EBF4: variants seen among roughly 807,000 people sequenced by gnomAD.
The protein encoded by EBF4 is transcription factor COE4.
A neutral mutation model predicts 67.1 loss-of-function variants in EBF4; 34 were observed. The ratio of observed to expected loss-of-function variants is 0.51; its 90% CI spans 0.39 to 0.67. EBF4 has a LOEUF of 0.67. EBF4 is among the 30% of genes least tolerant of loss of function. The pLI is 0.00. For synonymous variants in EBF4, 387 were observed against 377.7 expected (o/e 1.02, Z -0.29); for missense variants, 837 against 873.3 (o/e 0.96, Z 0.52).
chr20:2,733,820 A>G (rs1481558402), intron 6 of EBF4, among the ~76,000 whole-genome samples: 1 of 151,918 alleles, frequency 6.6e-6, no homozygotes, highest in Admixed American at 6.5e-5. Flanking sequence ...GATGAGAAAA[A>G]AAAAAAAAAA....
intron 6 of EBF4, among the ~76,000 whole-genome samples, chr20:2,712,632 G>C (rs1568571237): frequency 6.6e-6 from 1 of 152,152 alleles, no homozygotes; most frequent in Admixed American, 6.5e-5. Flanking sequence ...AAAGGTTCAG[G>C]CTGCAGATGT....
At chr20:2,749,798 C>T (rs2088112287) in intron 9 of EBF4, 45 bp downstream of exon 9, 1 of 1,540,570 alleles carries the variant, frequency 6.5e-7, no homozygotes, top group African/African-American at 1.4e-5. Context: ...GGGGCTGGGC[C>T]CTCCCCTCGC....
At chr20:2,708,137 G>A in intron 5 of EBF4, 117 bp downstream of exon 5, 1 of 1,060,954 alleles carries the variant, frequency 9.4e-7, no homozygotes, top group South Asian at 1.7e-5. Context: ...GCTGCTCCCT[G>A]GAGAAGCCTG....
At chr20:2,737,012 G>C (rs1009649001) in intron 6 of EBF4, among the ~76,000 whole-genome samples, 4 of 152,096 alleles carry the variant, frequency 2.6e-5, no homozygotes, top group Non-Finnish European at 2.9e-5. Context: ...CACTTTGGGA[G>C]GCCAAGGTGG....
At chr20:2,734,429 G>T (rs2087852528) in intron 6 of EBF4, among the ~76,000 whole-genome samples, 1 of 152,114 alleles carries the variant, frequency 6.6e-6, no homozygotes, top group African/African-American at 2.4e-5. Flanking sequence ...AATTAATAAA[G>T]TATTTGTCTA....
chr20:2,715,710 C>G (rs1337719177), intron 6 of EBF4, among the ~76,000 whole-genome samples: 1 of 152,146 alleles, frequency 6.6e-6, no homozygotes, highest in Non-Finnish European at 1.5e-5. Flanking sequence ...TTCCAGATTA[C>G]TATTGAAGTT....
At chr20:2,757,687 G>A (rs991413071) in intron 15 of EBF4, among the ~76,000 whole-genome samples, 2 of 152,290 alleles carry the variant, frequency 1.3e-5, no homozygotes, top group Admixed American at 6.5e-5. Flanking sequence ...TGGCTCACAC[G>A]TGTAATCCTA....
intron 2 of EBF4, 82 bp downstream of exon 2, chr20:2,705,815 AC>A: frequency 7.2e-7 from 1 of 1,395,304 alleles, no homozygotes; most frequent in East Asian, 2.5e-5. Flanking sequence ...ACACACACAC[AC>A]ACACACACAC....
rs1345480486 is a variant in EBF4, at chr20:2,693,710, C to T, written c.65C>T (p.Pro22Leu). 1.4e-6 allele frequency: 2 copies of T among 1,418,354 alleles called. No homozygotes were observed. The highest frequency in any genetic ancestry group is 2.9e-5 in the South Asian group (2 of 68,890). The allele number at this position is 1,418,354 out of a possible 1,614,324, so 87.9% of individuals were successfully genotyped here. ...AACCTGAAGGAGGAGCCGCTGCTGCCCGCCGGCCTGGGCTCAGTGCGCTCC... is the reference window on the plus strand; with the variant it reads ...AACCTGAAGGAGGAGCCGCTGCTGCTCGCCGGCCTGGGCTCAGTGCGCTCC... The change falls in exon 1 of 17, where the codon CCC becomes CTC. Residue 22 changes from proline (P) to leucine (L), a missense_variant. Transcript: ENST00000609451. This position sits in a 1 kb window ranked among gnomAD's most constrained non-coding sequence, Gnocchi z 4.6.
intron 6 of EBF4, among the ~76,000 whole-genome samples, chr20:2,727,867 G>T (rs1478915557): frequency 6.6e-6 from 1 of 152,150 alleles, no homozygotes; most frequent in Non-Finnish European, 1.5e-5. Flanking sequence ...TTGGAGAAAT[G>T]TTCATTGAGA....
rs2088053764 is a variant in EBF4 at position 2,746,558 on chromosome 20, T to C, written c.558-1991T>C. Among the ~76,000 whole-genome samples, 7 of 152,138 alleles carry C rather than the reference T, an allele frequency of 4.6e-5. No individual in the cohort carries two copies. The South Asian group carries it at 1.2e-3, about 27-fold the overall frequency. ...GGGGACACCTCAGTTCCAGGGCTGG[T>C]GCTTACTCCTCCCAGCACTTGGTGA... On this transcript the variant is annotated intron_variant, in intron 6 of 16. Coordinates refer to ENST00000609451, the Ensembl canonical transcript of EBF4.
chr20:2,732,598 C>T (rs951729468), intron 6 of EBF4, among the ~76,000 whole-genome samples: 1 of 152,086 alleles, frequency 6.6e-6, no homozygotes, highest in Admixed American at 6.6e-5. Context: ...TTTTTCCATC[C>T]CTTTATTTTC....
intron 6 of EBF4, among the ~76,000 whole-genome samples, chr20:2,734,497 T>C (rs915871437): frequency 2.0e-5 from 3 of 152,232 alleles, no homozygotes; most frequent in African/African-American, 7.2e-5. Context: ...TTTATTACAA[T>C]GTATGGGTCT....
At chr20:2,754,219 G>A (rs77058458) in intron 14 of EBF4, among the ~76,000 whole-genome samples, 118 of 152,312 alleles carry the variant, frequency 7.7e-4, no homozygotes, top group African/African-American at 2.8e-3. Context: ...CGTTCAGGGT[G>A]CTTTGTGGCC....
intron 6 of EBF4, among the ~76,000 whole-genome samples, chr20:2,737,045 G>C (rs11697264): frequency 0.15 from 22,598 of 151,772 alleles, 1,855 homozygotes; most frequent in Middle Eastern, 0.27. Flanking sequence ...GTCAGGAGAT[G>C]GAGACCATCC....
chr20:2,720,853 T>C (rs1003753937), intron 6 of EBF4, among the ~76,000 whole-genome samples: 2 of 152,200 alleles, frequency 1.3e-5, no homozygotes, highest in African/African-American at 4.8e-5. Flanking sequence ...GGGTATAGAA[T>C]TATAGGTGAT....
intron 15 of EBF4, among the ~76,000 whole-genome samples, chr20:2,757,755 T>G (rs2088267183): frequency 6.6e-6 from 1 of 152,144 alleles, no homozygotes. Context: ...AAGACCAGTC[T>G]GGGCAAGATG....
chr20:2,704,032 C>A (rs1160116668), intron 1 of EBF4, among the ~76,000 whole-genome samples: 1 of 152,266 alleles, frequency 6.6e-6, no homozygotes, highest in Non-Finnish European at 1.5e-5. Context: ...AGCTGGCTTC[C>A]CCCTGAATCA....
At chr20:2,728,823 A>C (rs1345390352) in intron 6 of EBF4, among the ~76,000 whole-genome samples, 9 of 152,068 alleles carry the variant, frequency 5.9e-5, no homozygotes, top group Admixed American at 5.2e-4. Context: ...CCAGTCCTGG[A>C]AACCTTTAGC....
Sources: gnomAD v4.1 joint callset for allele counts (sites outside exome capture counted in the v4.1 genomes callset) on GRCh38, gnomAD v4.1.1 for gene constraint, Gnocchi (gnomAD v3.1) non-coding constraint, MANE v1.5 for transcripts, NCBI Gene and HGNC (gene_info 2026-07-23, HGNC 2026-07-21) for gene names.